PLPP4: variants seen among roughly 807,000 people sequenced by gnomAD.
PLPP4 encodes the protein diacylglycerol pyrophosphate like 2.
A neutral mutation model predicts 32.2 loss-of-function variants in PLPP4; 20 were observed. The ratio of observed to expected loss-of-function variants is 0.62; its 90% CI spans 0.44 to 0.90. PLPP4 has a LOEUF of 0.90. Ranked by LOEUF, PLPP4 falls within the 40% of genes least tolerant of loss-of-function variation. The pLI, the probability that PLPP4 is intolerant of heterozygous loss-of-function variation, is 0.00. For missense variants in PLPP4, 257 were observed against 353.1 expected (o/e 0.73, Z 2.18); for synonymous variants, 127 against 133.0 (o/e 0.95, Z 0.31).
intron 1 of PLPP4, among the ~76,000 whole-genome samples, chr10:120,491,686 C>G (rs1327864282): frequency 6.6e-6 from 1 of 152,110 alleles, no homozygotes; most frequent in African/African-American, 2.4e-5. Context: ...TAAATACCCT[C>G]CACCAATTAT....
At chr10:120,560,714 C>T (rs1192155802) in intron 5 of PLPP4, among the ~76,000 whole-genome samples, 2 of 152,122 alleles carry the variant, frequency 1.3e-5, no homozygotes, top group East Asian at 3.9e-4. Context: ...GAGATTGCAC[C>T]ACTGCACTCC....
At chr10:120,572,716 G>A (rs1848999660) in intron 5 of PLPP4, among the ~76,000 whole-genome samples, 1 of 152,132 alleles carries the variant, frequency 6.6e-6, no homozygotes, top group Admixed American at 6.5e-5. Context: ...AATACCAATG[G>A]GATCCAACTC....
chr10:120,531,843 T>C (rs1320830115), intron 5 of PLPP4, among the ~76,000 whole-genome samples: 2 of 150,336 alleles, frequency 1.3e-5, no homozygotes, highest in African/African-American at 2.5e-5. Context: ...ACACTACACA[T>C]ATATATGTGT....
At chr10:120,513,575 C>G (rs988855942) in intron 2 of PLPP4, among the ~76,000 whole-genome samples, 53 of 152,186 alleles carry the variant, frequency 3.5e-4, no homozygotes, top group Admixed American at 1.8e-3. Flanking sequence ...GTTCTTCACC[C>G]TTCCACAGAG....
At chr10:120,476,214 C>T (rs1321915870) in intron 1 of PLPP4, among the ~76,000 whole-genome samples, 2 of 152,220 alleles carry the variant, frequency 1.3e-5, no homozygotes, top group Non-Finnish European at 2.9e-5. Context: ...CAGCTGTGCC[C>T]CCTGTGCAGG....
intron 2 of PLPP4, among the ~76,000 whole-genome samples, chr10:120,507,546 A>C (rs1329595986): frequency 6.6e-6 from 1 of 152,242 alleles, no homozygotes; most frequent in Non-Finnish European, 1.5e-5. Flanking sequence ...GAAATTATAC[A>C]GCTTGTCCGA....
intron 6 of PLPP4, 96 bp downstream of exon 6, chr10:120,575,397 GC>G: frequency 7.5e-7 from 1 of 1,339,600 alleles, no homozygotes; most frequent in Non-Finnish European, 1.0e-6. Context: ...GGAGCTAAGT[GC>G]CCATTGTCCA....
intron 5 of PLPP4, among the ~76,000 whole-genome samples, chr10:120,526,997 T>G (rs1162836218): frequency 1.3e-5 from 2 of 152,168 alleles, no homozygotes; most frequent in Non-Finnish European, 2.9e-5. Flanking sequence ...TGATGTGGTG[T>G]TCAGGTGCTC....
intron 5 of PLPP4, among the ~76,000 whole-genome samples, chr10:120,571,029 C>T (rs72836042): frequency 0.045 from 6,687 of 149,318 alleles, 210 homozygotes; most frequent in Middle Eastern, 0.074. Flanking sequence ...GCTTTGAAAG[C>T]GAGGGACATA....
At chr10:120,471,455 CCTT>C (rs1350239491) in intron 1 of PLPP4, among the ~76,000 whole-genome samples, 1 of 151,726 alleles carries the variant, frequency 6.6e-6, no homozygotes, top group Non-Finnish European at 1.5e-5. Flanking sequence ...AATTGTATCT[CCTT>C]CTGATGCTTG....
chr10:120,536,256 G>A (rs948759071), intron 5 of PLPP4, among the ~76,000 whole-genome samples: 3 of 151,968 alleles, frequency 2.0e-5, no homozygotes, highest in Admixed American at 2.0e-4. Flanking sequence ...TGAGCAAGAA[G>A]AAGAAAGCTA....
intron 2 of PLPP4, among the ~76,000 whole-genome samples, chr10:120,512,759 G>C (rs1490060736): frequency 1.3e-5 from 2 of 152,164 alleles, no homozygotes; most frequent in Non-Finnish European, 2.9e-5. Flanking sequence ...GTTGCAGTGA[G>C]CGGAGATCAC....
intron 5 of PLPP4, among the ~76,000 whole-genome samples, chr10:120,528,079 T>G (rs962444379): frequency 2.8e-5 from 4 of 140,406 alleles, no homozygotes; most frequent in African/African-American, 8.2e-5. Context: ...GTTTTTTTTT[T>G]TTTTTTTTTT....
intron 5 of PLPP4, among the ~76,000 whole-genome samples, chr10:120,537,846 A>G (rs1227387771): frequency 6.6e-6 from 1 of 151,844 alleles, no homozygotes; most frequent in African/African-American, 2.4e-5. Flanking sequence ...AAAGCTGAAA[A>G]CAATTAAAGA....
At chr10:120,570,936 T>C (rs1448131302) in intron 5 of PLPP4, among the ~76,000 whole-genome samples, 2 of 152,146 alleles carry the variant, frequency 1.3e-5, no homozygotes, top group Non-Finnish European at 2.9e-5. Flanking sequence ...CTTCCTAGTT[T>C]AGACCATCTT....
intron 5 of PLPP4, among the ~76,000 whole-genome samples, chr10:120,557,343 G>A (rs1000182359): frequency 6.6e-6 from 1 of 152,018 alleles, no homozygotes; most frequent in Non-Finnish European, 1.5e-5. Flanking sequence ...ATGCTCCCTG[G>A]GCTCTCTCTT....
At chr10:120,574,820 G>A (rs1849137681) in intron 5 of PLPP4, among the ~76,000 whole-genome samples, 1 of 152,226 alleles carries the variant, frequency 6.6e-6, no homozygotes, top group African/African-American at 2.4e-5. Flanking sequence ...AGTATCTGAT[G>A]CATCTTTTTA....
At chr10:120,497,415 G>C (rs773204120) in intron 1 of PLPP4, among the ~76,000 whole-genome samples, 6 of 151,976 alleles carry the variant, frequency 3.9e-5, no homozygotes, top group African/African-American at 1.5e-4. Flanking sequence ...ATTTCAGGCA[G>C]TGTGTATGTG....
rs145252286 is a variant in PLPP4 at position 120,531,873 on chromosome 10, T to TACACACAC, written c.445+10794_445+10801dup. 5.4e-3 allele frequency among the ~76,000 whole-genome samples: 795 copies of TACACACAC among 148,244 alleles called. 11 individuals carry two copies. The highest frequency in any genetic ancestry group is 0.018 in the African/African-American group (708 of 40,060). ...ATGTGTGTACACACACTACACACACTACACACACACACACACACACACATA... is the reference window on the plus strand; with the variant it reads ...ATGTGTGTACACACACTACACACACTACACACACACACACACACACACACACACACATA... On this transcript the variant is annotated intron_variant, in intron 5 of 6. Transcript: ENST00000398250.
Sources: gnomAD v4.1 joint callset for allele counts (sites outside exome capture counted in the v4.1 genomes callset) on GRCh38, gnomAD v4.1.1 for gene constraint, MANE v1.5 for transcripts, NCBI Gene and HGNC (gene_info 2026-07-23, HGNC 2026-07-21) for gene names.